Variants in RUFY1 observed in about 807,000 individuals in gnomAD.
RUFY1 encodes the protein RUN and FYVE domain containing 1, also known as RUN and FYVE domain-containing protein 1.
In RUFY1, 54 loss-of-function variants were observed where a neutral mutation model predicts 94.6. The observed-to-expected ratio is 0.57, with a 90% CI of 0.46 to 0.72. RUFY1 has a LOEUF of 0.72. RUFY1 is among the 30% of genes least tolerant of loss of function. The probability of loss-of-function intolerance (pLI) is 0.00; values close to 1 mark genes in which losing one functional copy is unlikely to be tolerated. For missense variants in RUFY1, 883 were observed against 883.9 expected, an observed-to-expected ratio of 1.00 and a Z score of 0.01; for synonymous variants, 396 against 347.3, an observed-to-expected ratio of 1.14 and a Z score of -1.56.
chr5:179,569,451 G>T, intron 5 of RUFY1, 26 bp downstream of exon 5: 1 of 1,611,874 alleles, frequency 6.2e-7, no homozygotes, highest in South Asian at 1.1e-5. Context: ...GGCTCTAGAT[G>T]AACACTTTCG....
At chr5:179,564,544 G>A (rs1762687350) in intron 3 of RUFY1, among the ~76,000 whole-genome samples, 1 of 149,980 alleles carries the variant, frequency 6.7e-6, no homozygotes, top group Non-Finnish European at 1.5e-5. Flanking sequence ...TCCCACCTCA[G>A]CCTCCCAAAT....
At chr5:179,598,877 A>T in intron 14 of RUFY1, 56 bp downstream of exon 14, 1 of 1,603,626 alleles carries the variant, frequency 6.2e-7, no homozygotes, top group Non-Finnish European at 8.5e-7. Context: ...GAAACCCCTA[A>T]CATGCTCCGG....
intron 11 of RUFY1, among the ~76,000 whole-genome samples, chr5:179,594,501 C>A (rs1284774654): frequency 2.7e-5 from 4 of 148,358 alleles, no homozygotes; most frequent in African/African-American, 1.0e-4. Flanking sequence ...GTGGCTCACA[C>A]CTGTAATCCC....
chr5:179,587,733 A>G (rs1303092797), intron 8 of RUFY1, among the ~76,000 whole-genome samples: 2 of 151,436 alleles, frequency 1.3e-5, no homozygotes, highest in African/African-American at 4.8e-5. Flanking sequence ...AATGATTGTA[A>G]TAGAAAATGT....
intron 8 of RUFY1, 41 bp from the exon 9 acceptor site, chr5:179,589,505 T>C: frequency 8.2e-7 from 1 of 1,215,812 alleles, no homozygotes. Flanking sequence ...ACAATAAGAT[T>C]AATTTTGATG....
chr5:179,594,977 C>T lies in RUFY1; in HGVS notation c.1511+14C>T. 1 of 1,553,860 alleles carries T rather than the reference C, an allele frequency of 6.4e-7. No homozygotes were observed. Among genetic ancestry groups the T allele is most frequent in the Non-Finnish European group, 8.9e-7 (1 of 1,126,326 alleles). On this transcript the variant is annotated intron_variant, in intron 12 of 17. Coordinates refer to ENST00000319449, the MANE Select transcript of RUFY1 (RefSeq NM_025158.5). ...AATGGAAGAAAGGTAATCACTTCCCCCTGGCAGATATTCTCGGGAAGGCTC... is the reference window on the plus strand; with the variant it reads ...AATGGAAGAAAGGTAATCACTTCCCTCTGGCAGATATTCTCGGGAAGGCTC...
rs1367106754 is a variant in RUFY1 at position 179,550,648 on chromosome 5, G to C, written c.79G>C (p.Gly27Arg). 8 of 1,438,430 alleles carry C rather than the reference G, an allele frequency of 5.6e-6. No homozygotes were observed. In the Admixed American group the frequency reaches 7.4e-5, roughly 13 times the overall value. 89.1% of individuals were successfully genotyped at this position (1,438,430 alleles called of 1,614,324 possible). ...EPELEPGPGP[G>R]SALEPGEEFE... The stretch of plus-strand genomic sequence containing the variant: ...GGAGCTGGAGCCGGGGCCGGGGCCC[G>C]GGTCAGCGCTTGAGCCGGGAGAAGA... Residue 27 changes from glycine (G) to arginine (R), a missense_variant, in exon 1 of 18, where the codon GGG becomes CGG. By Grantham distance (125) the Gly-to-Arg change is moderately radical. Transcript: ENST00000319449.
At chr5:179,606,021 G>A in intron 16 of RUFY1, 97 bp downstream of exon 16, 2 of 839,948 alleles carry the variant, frequency 2.4e-6, no homozygotes, top group Non-Finnish European at 4.0e-6. Context: ...GTGAGAGCGT[G>A]TGGTTGAGGC....
chr5:179,579,325 C>G (rs751384818), intron 6 of RUFY1, among the ~76,000 whole-genome samples: 2 of 152,068 alleles, frequency 1.3e-5, no homozygotes, highest in African/African-American at 4.8e-5. Context: ...AAAATATATT[C>G]TTTTTTCTTT....
In RUFY1 at chr5:179,564,322, A is replaced by C. The variant is rs550227379; in HGVS notation, c.602+1658A>C. 3.5e-3 allele frequency among the ~76,000 whole-genome samples: 515 copies of C among 148,688 alleles called. 4 individuals carry two copies. The highest frequency in any genetic ancestry group is 0.015 in the Middle Eastern group (4 of 274). ...TTTAGTAGAGATGGGGTTTCACCACATTGGCCAGGCTGGTCTCCAACTCCT... is the reference window on the plus strand; with the variant it reads ...TTTAGTAGAGATGGGGTTTCACCACCTTGGCCAGGCTGGTCTCCAACTCCT... On this transcript the variant is annotated intron_variant, in intron 3 of 17. Transcript: ENST00000319449.
In RUFY1 at chr5:179,567,536, GCTTATAGA is replaced by G. The variant is rs1198691393; in HGVS notation, c.680_687del (p.Leu227GlnfsTer2). 4.3e-6 allele frequency: 7 copies of G among 1,612,728 alleles called. No homozygotes were observed. The highest frequency in any genetic ancestry group is 5.9e-6 in the Non-Finnish European group (7 of 1,178,690). ...AGAAACTGGCAGATTATCTGAAAGT[GCTTATAGA>G]CAATAAACATCTCTTAAGGTATTTC... On this transcript the variant is annotated frameshift_variant, in exon 4 of 18. Coordinates refer to ENST00000319449, the MANE Select transcript of RUFY1 (RefSeq NM_025158.5). LOFTEE classifies it high-confidence loss of function.
intron 1 of RUFY1, among the ~76,000 whole-genome samples, chr5:179,559,526 C>A (rs1275590251): frequency 6.6e-6 from 1 of 152,196 alleles, no homozygotes; most frequent in African/African-American, 2.4e-5. Flanking sequence ...GGTGCGCATC[C>A]TCCTCCGTCC....
At position 179,567,483 on chromosome 5, in the gene RUFY1, G is replaced by GCT; in HGVS notation, c.626_627insTC (p.Trp210ArgfsTer16). 6.2e-7 allele frequency: 1 copy of GCT among 1,614,030 alleles called. No homozygotes were observed. On this transcript the variant is annotated frameshift_variant, in exon 4 of 18. Coordinates refer to ENST00000319449, the MANE Select transcript of RUFY1 (RefSeq NM_025158.5). LOFTEE classifies it high-confidence loss of function. ...TAGGACAGCTGTGGGAAGAGGCCGA[G>GCT]CGTGGCTTTATCTTGCACTCATGCA...
intron 8 of RUFY1, 65 bp downstream of exon 8, chr5:179,585,930 A>G: frequency 1.5e-6 from 2 of 1,323,462 alleles, no homozygotes; most frequent in South Asian, 1.2e-5. Context: ...GAATCTGTGT[A>G]GTCGGTCTGC....
rs746689958 is a variant in RUFY1, at chr5:179,550,776, G to A, written c.207G>A (p.Leu69=). 1.4e-6 allele frequency: 2 copies of A among 1,388,406 alleles called. No individual in the cohort carries two copies. The highest frequency in any genetic ancestry group is 1.5e-5 in the South Asian group (1 of 65,530). 86.0% of individuals were successfully genotyped at this position (1,388,406 alleles called of 1,614,324 possible). Residue 69 remains leucine (L), a synonymous_variant, in exon 1 of 18, where the codon CTG becomes CTA. Coordinates refer to ENST00000319449, the MANE Select transcript of RUFY1 (RefSeq NM_025158.5). The part of the protein sequence containing the change: ...AEGWSAPILT[L]ARRATGNLSA... ...GCTGGTCGGCGCCCATCCTGACCCT[G>A]GCACGCAGGGCCACCGGGAACCTGT...
intron 15 of RUFY1, among the ~76,000 whole-genome samples, chr5:179,605,271 C>T (rs1168938953): frequency 7.7e-6 from 1 of 129,608 alleles, no homozygotes; most frequent in Admixed American, 7.6e-5. Context: ...ATAGCAAGAT[C>T]CTGTCTCAAA....
chr5:179,607,064 C>T (rs777503326), intron 16 of RUFY1: 28 of 162,722 alleles, frequency 1.7e-4, no homozygotes, highest in Non-Finnish European at 3.1e-4. Context: ...GGCTTTGGCC[C>T]GCATGGAGAA....
chr5:179,603,670 C>T (rs1478639998), intron 15 of RUFY1: 1 of 152,306 alleles, frequency 6.6e-6, no homozygotes, highest in East Asian at 1.9e-4. Context: ...CCAGTGTTTT[C>T]CTCTTTACAT....
At position 179,569,299 on chromosome 5, in the gene RUFY1, C is replaced by A. The variant is rs759058411; in HGVS notation, c.705-3C>A. 6.2e-7 allele frequency: 1 copy of A among 1,613,822 alleles called. No individual in the cohort carries two copies. Among genetic ancestry groups the A allele is most frequent in the South Asian group, 1.1e-5 (1 of 91,074 alleles). On this transcript the variant is annotated splice_region_variant and splice_polypyrimidine_tract_variant and intron_variant, in intron 4 of 17. Coordinates refer to ENST00000319449, the MANE Select transcript of RUFY1 (RefSeq NM_025158.5). ...ATCGCCCTGTCCTGTCCATCTCTTTCAGCGAGTTCTATGAGCCTGAGGCTT... is the reference window on the plus strand; with the variant it reads ...ATCGCCCTGTCCTGTCCATCTCTTTAAGCGAGTTCTATGAGCCTGAGGCTT...
Sources: allele counts gnomAD v4.1 joint callset (sites outside exome capture counted in the v4.1 genomes callset), GRCh38; gene constraint gnomAD v4.1.1; transcripts MANE v1.5; gene names NCBI Gene and HGNC (gene_info 2026-07-23, HGNC 2026-07-21).